Variants in EEF2K observed in about 807,000 individuals in gnomAD.
EEF2K encodes the protein alternative protein EEF2K.
EEF2K carries 70 observed loss-of-function variants against 93.8 expected under a neutral mutation model. The observed-to-expected ratio is 0.75, with a 90% CI of 0.62 to 0.91. The LOEUF (loss-of-function observed/expected upper bound fraction) is 0.91. Ranked by LOEUF, EEF2K falls within the 40% of genes least tolerant of loss-of-function variation. The pLI is 0.00. For synonymous variants in EEF2K, 376 were observed against 380.8 expected, an observed-to-expected ratio of 0.99 and a Z score of 0.15; for missense variants, 935 against 972.9, an observed-to-expected ratio of 0.96 and a Z score of 0.52.
Position 22,286,785 on chromosome 16 carries a change from A to G in EEF2K, c.*2789A>G, listed in dbSNP as rs1472774422. On this transcript the variant is annotated 3_prime_UTR_variant, in exon 18 of 18. Transcript: ENST00000263026. ...CTTTGGCATAGAGTAGGCACTCAACAAGTGTGTGAACAGATGGAGAGCCAG... is the reference window on the plus strand; with the variant it reads ...CTTTGGCATAGAGTAGGCACTCAACGAGTGTGTGAACAGATGGAGAGCCAG... 6.6e-6 allele frequency: 1 copy of G among 152,176 alleles called. No individual in the cohort carries two copies. The highest frequency in any genetic ancestry group is 1.5e-5 in the Non-Finnish European group (1 of 68,046). The allele number at this position is 152,176 out of a possible 1,614,324, so 9.4% of individuals were successfully genotyped here. A position where few individuals can be genotyped will look rare whatever the true frequency, so the allele number is the denominator to read the frequency against.
intron 1 of EEF2K, among the ~76,000 whole-genome samples, chr16:22,214,195 AC>A (rs2046939358): frequency 6.6e-6 from 1 of 152,072 alleles, no homozygotes. Flanking sequence ...CCTCAGAACA[AC>A]CCCTGCAGGG....
intron 2 of EEF2K, among the ~76,000 whole-genome samples, chr16:22,230,368 T>G (rs2047103622): frequency 4.0e-5 from 6 of 151,772 alleles, no homozygotes; most frequent in Admixed American, 3.9e-4. Context: ...TGCACGCCAC[T>G]ATGCCCTGCT....
rs2047525224 is a variant in EEF2K at position 22,266,727 on chromosome 16, T to C, written c.1615T>C (p.Phe539Leu). ...GGTGCGCTACCACGAGGGTGGGCGCTTCTGCGAGAAGGGCGAGGAGTGGGA... is the reference window on the plus strand; with the variant it reads ...GGTGCGCTACCACGAGGGTGGGCGCCTCTGCGAGAAGGGCGAGGAGTGGGA... The part of the protein sequence containing the change: ...AMVRYHEGGR[F>L]CEKGEEWDQE... The change falls in exon 15 of 18, where the codon TTC becomes CTC. Residue 539 changes from phenylalanine (F) to leucine (L), a missense_variant. Physicochemically the swap from Phe to Leu is conservative, Grantham distance 22 (BLOSUM62 0). Transcript: ENST00000263026. The C allele has an allele frequency of 6.2e-7, 1 of 1,613,700 alleles. No homozygotes were observed. Among genetic ancestry groups the C allele is most frequent in the Non-Finnish European group, 8.5e-7 (1 of 1,179,916 alleles).
intron 6 of EEF2K, among the ~76,000 whole-genome samples, chr16:22,251,977 A>G (rs1422211503): frequency 2.0e-5 from 3 of 151,732 alleles, no homozygotes; most frequent in Non-Finnish European, 2.9e-5. Flanking sequence ...TATTTTCTGT[A>G]GAGAAAGGGT....
At position 22,258,696 on chromosome 16, in the gene EEF2K, G is replaced by C; in HGVS notation, c.1231+1G>C. 2.5e-6 allele frequency: 4 copies of C among 1,614,076 alleles called. No homozygotes were observed. Among genetic ancestry groups the C allele is most frequent in the East Asian group, 2.2e-5 (1 of 44,878 alleles). On this transcript the variant is annotated splice_donor_variant, in intron 10 of 17. Transcript: ENST00000263026. LOFTEE classifies it high-confidence loss of function. ...CACAGCCAGAAGCTAGACCACCTCC[G>C]TGAGTGACGGTTCGGTCCCTAGTCA...
At chr16:22,274,162 G>A (rs2047612320) in intron 16 of EEF2K, among the ~76,000 whole-genome samples, 1 of 152,042 alleles carries the variant, frequency 6.6e-6, no homozygotes, top group African/African-American at 2.4e-5. Context: ...AAAAATTAGG[G>A]CCGGGCATGG....
intron 4 of EEF2K, among the ~76,000 whole-genome samples, chr16:22,250,010 G>A (rs181229311): frequency 4.6e-5 from 7 of 152,078 alleles, no homozygotes; most frequent in South Asian, 2.1e-4. Flanking sequence ...TCGAACTCCC[G>A]ACCTCAGGTG....
chr16:22,242,274 C>A (rs1410502684), intron 2 of EEF2K, among the ~76,000 whole-genome samples: 1 of 152,138 alleles, frequency 6.6e-6, no homozygotes, highest in Non-Finnish European at 1.5e-5. Flanking sequence ...GAGCAGGACC[C>A]AGTGCTGGGG....
intron 2 of EEF2K, among the ~76,000 whole-genome samples, chr16:22,240,551 A>G (rs2316458): frequency 0.36 from 54,038 of 152,012 alleles, 10,662 homozygotes; most frequent in East Asian, 0.86. Flanking sequence ...GTACTAGGAA[A>G]TGTTGGAGGG....
At chr16:22,229,149 A>G (rs1348052696) in intron 2 of EEF2K, among the ~76,000 whole-genome samples, 1 of 151,876 alleles carries the variant, frequency 6.6e-6, no homozygotes, top group East Asian at 1.9e-4. Context: ...AAAACAAAAA[A>G]CAAAAAACAA....
intron 15 of EEF2K, among the ~76,000 whole-genome samples, chr16:22,272,431 G>A (rs184155744): frequency 5.5e-4 from 83 of 152,292 alleles, no homozygotes; most frequent in African/African-American, 1.9e-3. Flanking sequence ...AGTCGCAAAG[G>A]ACCACATATT....
chr16:22,267,869 G>C (rs1049963762), intron 15 of EEF2K, among the ~76,000 whole-genome samples: 4 of 152,188 alleles, frequency 2.6e-5, no homozygotes, highest in Non-Finnish European at 4.4e-5. Flanking sequence ...GGAAAGGATT[G>C]AATGGGATCT....
At position 22,228,478 on chromosome 16, in the gene EEF2K, G is replaced by A. The variant is rs569402688; in HGVS notation, c.246+2503G>A. Among the ~76,000 whole-genome samples, 4 of 152,180 alleles carry A rather than the reference G, an allele frequency of 2.6e-5. No individual in the cohort carries two copies. In the East Asian group the frequency reaches 5.8e-4, roughly 22 times the overall value. ...TCTACTAAAAATACAAAAATTAGCC[G>A]GGCATGGTGTTACAATAAAACTCCA... On this transcript the variant is annotated intron_variant, in intron 2 of 17. Coordinates refer to ENST00000263026, the MANE Select transcript of EEF2K (RefSeq NM_013302.5).
intron 2 of EEF2K, among the ~76,000 whole-genome samples, chr16:22,244,089 C>T (rs1446437118): frequency 6.6e-6 from 1 of 151,460 alleles, no homozygotes; most frequent in East Asian, 1.9e-4. Flanking sequence ...AGTAGCAGTG[C>T]GTGGTGGCGG....
At chr16:22,213,318 G>A (rs1159946505) in intron 1 of EEF2K, among the ~76,000 whole-genome samples, 1 of 152,170 alleles carries the variant, frequency 6.6e-6, no homozygotes, top group East Asian at 1.9e-4. Context: ...ATTCATTCTA[G>A]AGCTGGGTTT....
At chr16:22,217,615 G>A (rs927967872) in intron 1 of EEF2K, among the ~76,000 whole-genome samples, 1 of 151,988 alleles carries the variant, frequency 6.6e-6, no homozygotes, top group Non-Finnish European at 1.5e-5. Context: ...ACCATGCCCC[G>A]CTAATTTTTG....
intron 15 of EEF2K, among the ~76,000 whole-genome samples, chr16:22,268,461 A>G (rs1376448055): frequency 1.3e-5 from 2 of 150,736 alleles, no homozygotes; most frequent in Non-Finnish European, 3.0e-5. Context: ...GTGAGCCACC[A>G]TGCCGGACTA....
In EEF2K at chr16:22,244,654, A is replaced by C; in HGVS notation, c.271A>C (p.Lys91Gln). The C allele has an allele frequency of 6.2e-7, 1 of 1,614,056 alleles. No individual in the cohort carries two copies. Among genetic ancestry groups the C allele is most frequent in the African/African-American group, 1.3e-5 (1 of 75,050 alleles). ...FKEAWKHAIQKAKHMPDPWAE... is the reference protein window; with the variant it reads ...FKEAWKHAIQQAKHMPDPWAE... ...GGAAGCCTGGAAGCACGCAATCCAG[A>C]AGGCCAAGCACATGCCCGACCCCTG... Residue 91 changes from lysine to glutamine, a missense_variant, in exon 3 of 18, where the codon AAG (lysine) becomes CAG (glutamine). Lys to Gln is a moderately conservative substitution (Grantham distance 53). Coordinates refer to ENST00000263026, the MANE Select transcript of EEF2K (RefSeq NM_013302.5).
intron 16 of EEF2K, among the ~76,000 whole-genome samples, chr16:22,275,221 A>G (rs1030602397): frequency 3.9e-5 from 6 of 151,966 alleles, no homozygotes; most frequent in African/African-American, 1.2e-4. Flanking sequence ...TCTACCTTTT[A>G]TTTCCATTTG....
Sources: gnomAD v4.1 joint callset for allele counts (sites outside exome capture counted in the v4.1 genomes callset) on GRCh38, gnomAD v4.1.1 for gene constraint, MANE v1.5 for transcripts, NCBI Gene and HGNC (gene_info 2026-07-23, HGNC 2026-07-21) for gene names.